Variants in TMEM132C observed in about 807,000 individuals in gnomAD.
TMEM132C encodes the protein protein phosphatase 1, regulatory subunit 152.
In TMEM132C, 29 loss-of-function variants were observed where a neutral mutation model predicts 61.4. That is an observed-to-expected ratio of 0.47 (90% CI 0.35 to 0.64). The LOEUF is 0.64. TMEM132C is among the 30% of genes least tolerant of loss of function. The pLI is 0.00. For synonymous variants in TMEM132C, 656 were observed against 633.1 expected, an observed-to-expected ratio of 1.04 and a Z score of -0.54; for missense variants, 1,408 against 1,476.9, an observed-to-expected ratio of 0.95 and a Z score of 0.76.
intron 2 of TMEM132C, among the ~76,000 whole-genome samples, chr12:128,431,393 G>A (rs1869382491): frequency 2.6e-5 from 4 of 152,166 alleles, no homozygotes; most frequent in Admixed American, 2.6e-4. Context: ...ACATAAAAGT[G>A]CAAGGTGAGG....
chr12:128,581,542 C>A (rs373150520), intron 3 of TMEM132C, among the ~76,000 whole-genome samples: 1 of 152,210 alleles, frequency 6.6e-6, no homozygotes, highest in African/African-American at 2.4e-5. Context: ...AAATCCTGGG[C>A]TCCTTGAATC....
At chr12:128,476,040 G>A (rs1565947562) in intron 2 of TMEM132C, among the ~76,000 whole-genome samples, 1 of 152,166 alleles carries the variant, frequency 6.6e-6, no homozygotes, top group Non-Finnish European at 1.5e-5. Flanking sequence ...GCCATCTTCT[G>A]GGCCCTAGGA....
At chr12:128,435,985 AATAAC>A (rs1869575539) in intron 2 of TMEM132C, among the ~76,000 whole-genome samples, 1 of 152,230 alleles carries the variant, frequency 6.6e-6, no homozygotes, top group African/African-American at 2.4e-5. Flanking sequence ...AGGCCTCAGA[AATAAC>A]ACCGCACATC....
rs1030417523 is a variant in TMEM132C, at chr12:128,630,171, C to T, written c.1305+13836C>T. On this transcript the variant is annotated intron_variant, in intron 4 of 8. Transcript: ENST00000435159. The surrounding 1 kb of genome is among the most constrained non-coding windows in gnomAD (Gnocchi z 4.3). ...GTGCCCCCCTCCAAGGTGTCTCAGGCGGCAAGCTGGCGGCAAGCCCAGGAA... is the reference window on the plus strand; with the variant it reads ...GTGCCCCCCTCCAAGGTGTCTCAGGTGGCAAGCTGGCGGCAAGCCCAGGAA... Among the ~76,000 whole-genome samples, 7 of 151,998 alleles carry T rather than the reference C, an allele frequency of 4.6e-5. No individual in the cohort carries two copies. The highest frequency in any genetic ancestry group is 1.9e-4 in the East Asian group (1 of 5,168).
intron 1 of TMEM132C, among the ~76,000 whole-genome samples, chr12:128,413,602 A>G (rs1314561498): frequency 6.6e-6 from 1 of 151,604 alleles, no homozygotes; most frequent in Admixed American, 6.6e-5. Flanking sequence ...GTGTTTCTCT[A>G]ATTGTGAGTG....
Position 128,326,801 on chromosome 12 carries a change from T to G in TMEM132C, c.85+59314T>G, listed in dbSNP as rs944237524. ...CTCGTTACCGACTTCACAATATTTT[T>G]TTTTTCTTTCTTAACAACGTAGTAA... is the stretch of plus-strand genomic sequence containing the variant. On this transcript the variant is annotated intron_variant, in intron 1 of 8. Coordinates refer to ENST00000435159, the MANE Select transcript of TMEM132C (RefSeq NM_001136103.3). The surrounding 1 kb of genome is among the most constrained non-coding windows in gnomAD (Gnocchi z 5.6). Among the ~76,000 whole-genome samples, 2 of 139,566 alleles carry G rather than the reference T, an allele frequency of 1.4e-5. No individual in the cohort carries two copies. The highest frequency in any genetic ancestry group is 2.9e-5 in the Non-Finnish European group (2 of 67,948). The allele number at this position is 139,566 out of a possible 152,430, so 91.6% of individuals were successfully genotyped here.
rs1178599554 is a variant in TMEM132C, at chr12:128,326,568, A to G, written c.85+59081A>G. ...GGCTTCCACAATATCTAGAATTGGA[A>G]CAGTAGCCCCAGGAAAAGAAAATGT... On this transcript the variant is annotated intron_variant, in intron 1 of 8. Transcript: ENST00000435159. The surrounding 1 kb of genome is among the most constrained non-coding windows in gnomAD (Gnocchi z 5.6). Among the ~76,000 whole-genome samples, 2 of 152,172 alleles carry G rather than the reference A, an allele frequency of 1.3e-5. No individual in the cohort carries two copies. The highest frequency in any genetic ancestry group is 1.9e-4 in the East Asian group (1 of 5,180).
chr12:128,450,976 AT>A (rs754486981), intron 2 of TMEM132C, among the ~76,000 whole-genome samples: 4 of 151,350 alleles, frequency 2.6e-5, no homozygotes, highest in Non-Finnish European at 5.9e-5. Context: ...TCTTGTTTTT[AT>A]TTGGAAGTAA....
chr12:128,703,839 C>T (rs957922244), intron 8 of TMEM132C, among the ~76,000 whole-genome samples: 2 of 152,216 alleles, frequency 1.3e-5, no homozygotes, highest in African/African-American at 4.8e-5. Flanking sequence ...CGAACAACAC[C>T]TGACCCACAG....
At chr12:128,321,145 A>AAT (rs1458302431) in intron 1 of TMEM132C, among the ~76,000 whole-genome samples, 1 of 104,518 alleles carries the variant, frequency 9.6e-6, no homozygotes, top group East Asian at 2.8e-4. Flanking sequence ...GAAAAATAAT[A>AAT]ATAATAATAA....
intron 2 of TMEM132C, among the ~76,000 whole-genome samples, chr12:128,491,881 A>C (rs1871742892): frequency 6.7e-6 from 1 of 149,014 alleles, no homozygotes; most frequent in South Asian, 2.1e-4. Flanking sequence ...TTTAAGTTTT[A>C]GGGTACATGT....
chr12:128,559,384 G>GT lies in TMEM132C; in HGVS notation c.1121+15289dup, dbSNP rs558360552. Among the ~76,000 whole-genome samples the GT allele has an allele frequency of 7.3e-4, 111 of 151,820 alleles. 1 individual carries two copies. The South Asian group carries it at 0.014, about 20-fold the overall frequency. ...TTAGGTTATTCTCAGGTTTTTTGGG[G>GT]TTTTTTTTGCCTGGAAGTACTGCTT... On this transcript the variant is annotated intron_variant, in intron 3 of 8. Coordinates refer to ENST00000435159, the MANE Select transcript of TMEM132C (RefSeq NM_001136103.3).
At chr12:128,508,200 C>T (rs967054343) in intron 2 of TMEM132C, among the ~76,000 whole-genome samples, 12 of 152,060 alleles carry the variant, frequency 7.9e-5, no homozygotes, top group African/African-American at 1.7e-4. Flanking sequence ...GAGGCAGAGG[C>T]GAAAGCGGAA....
chr12:128,293,513 C>G (rs1424585033), intron 1 of TMEM132C, among the ~76,000 whole-genome samples: 1 of 152,152 alleles, frequency 6.6e-6, no homozygotes, highest in Non-Finnish European at 1.5e-5. Flanking sequence ...GAATTGGTGT[C>G]CAGACAGGAT....
At chr12:128,294,561 A>G (rs1484964352) in intron 1 of TMEM132C, among the ~76,000 whole-genome samples, 1 of 152,214 alleles carries the variant, frequency 6.6e-6, no homozygotes, top group African/African-American at 2.4e-5. Flanking sequence ...ACAAAATACC[A>G]GAGACTGGGA....
At chr12:128,474,018 G>T (rs111496600) in intron 2 of TMEM132C, among the ~76,000 whole-genome samples, 2 of 152,124 alleles carry the variant, frequency 1.3e-5, no homozygotes, top group Non-Finnish European at 2.9e-5. Context: ...CTACCTTATT[G>T]TCATCTCGGG....
chr12:128,475,813 GTACGAGGTAGACCCTGGGCCACCCCTTT>G (rs1275658299), intron 2 of TMEM132C, among the ~76,000 whole-genome samples: 3 of 152,194 alleles, frequency 2.0e-5, no homozygotes, highest in African/African-American at 7.2e-5. Flanking sequence ...CAGCAGTCCT[GTACGAGGTAGACCCTGGGCCACCCCTTT>G]TACAGATGAG....
chr12:128,282,506 CATT>C (rs1010637421), intron 1 of TMEM132C, among the ~76,000 whole-genome samples: 4 of 152,164 alleles, frequency 2.6e-5, no homozygotes, highest in African/African-American at 9.7e-5. Flanking sequence ...AGAACTCACT[CATT>C]ATGATGAGAA....
intron 1 of TMEM132C, among the ~76,000 whole-genome samples, chr12:128,378,178 A>G (rs1355010019): frequency 6.6e-6 from 1 of 151,152 alleles, no homozygotes; most frequent in Admixed American, 6.6e-5. Flanking sequence ...GCAGTGGCGC[A>G]ATCTCGGCTC....
Sources: gnomAD v4.1 joint callset for allele counts (sites outside exome capture counted in the v4.1 genomes callset) on GRCh38, gnomAD v4.1.1 for gene constraint, Gnocchi (gnomAD v3.1) non-coding constraint, MANE v1.5 for transcripts, NCBI Gene and HGNC (gene_info 2026-07-23, HGNC 2026-07-21) for gene names.